CAST: variants seen among roughly 807,000 people sequenced by gnomAD.
CAST encodes the protein calpastatin.
CAST carries 76 observed loss-of-function variants against 119.6 expected under a neutral mutation model. The ratio of observed to expected loss-of-function variants is 0.64; its 90% CI spans 0.53 to 0.77. The LOEUF is 0.77. CAST is among the 30% of genes least tolerant of loss of function. The pLI is 0.00. For missense variants in CAST, 953 were observed against 946.5 expected (o/e 1.01, Z -0.09); for synonymous variants, 319 against 331.6 (o/e 0.96, Z 0.41).
the CAST span, among the ~76,000 whole-genome samples, chr5:96,217,488 T>C: frequency 1.3e-5 from 2 of 152,132 alleles, no homozygotes; most frequent in African/African-American, 4.8e-5. Context: ...CTCCCTTGAT[T>C]TGTGGTAAGG....
the CAST span, among the ~76,000 whole-genome samples, chr5:96,296,232 G>T: frequency 6.6e-6 from 1 of 152,154 alleles, no homozygotes; most frequent in Non-Finnish European, 1.5e-5. Flanking sequence ...GGCCTGGTTA[G>T]ATCCTCTTTT....
upstream of CAST, among the ~76,000 whole-genome samples, chr5:96,524,153 G>C (rs1446853262): frequency 6.6e-6 from 1 of 152,186 alleles, no homozygotes; most frequent in African/African-American, 2.4e-5. Flanking sequence ...GACGTACTGA[G>C]AATGTGATTC....
chr5:96,186,078 C>T, the CAST span, among the ~76,000 whole-genome samples: 2 of 152,010 alleles, frequency 1.3e-5, no homozygotes, highest in African/African-American at 4.8e-5. Context: ...CCCATGTTAG[C>T]TGTATTCATA....
intron 3 of CAST, among the ~76,000 whole-genome samples, chr5:96,717,673 C>T (rs1757426060): frequency 6.6e-6 from 1 of 152,298 alleles, no homozygotes; most frequent in South Asian, 2.1e-4. Context: ...CCAGAATCCA[C>T]TCTAACCCTT....
At chr5:96,544,374 C>T (rs261975) in intron 1 of CAST, among the ~76,000 whole-genome samples, 146,246 of 152,260 alleles carry the variant, frequency 0.96, 70,558 homozygotes, top group East Asian at 1. Flanking sequence ...TAAAGAAAAG[C>T]AATTACATTT....
At chr5:96,325,299 G>C in the CAST span, among the ~76,000 whole-genome samples, 1 of 152,044 alleles carries the variant, frequency 6.6e-6, no homozygotes, top group African/African-American at 2.4e-5. Flanking sequence ...TCCTATGCAT[G>C]CTTATTTGCA....
At chr5:96,416,763 A>G in the CAST span, among the ~76,000 whole-genome samples, 12 of 152,330 alleles carry the variant, frequency 7.9e-5, 2 homozygotes, top group African/African-American at 2.6e-4. Context: ...TGAAATCCCA[A>G]CTGGGGCCAG....
At chr5:96,338,152 T>A in the CAST span, among the ~76,000 whole-genome samples, 2 of 152,226 alleles carry the variant, frequency 1.3e-5, no homozygotes, top group African/African-American at 4.8e-5. Context: ...ATTAAGAAGT[T>A]CTGTCATCAT....
chr5:96,305,485 G>A, the CAST span, among the ~76,000 whole-genome samples: 38 of 151,244 alleles, frequency 2.5e-4, no homozygotes, highest in Non-Finnish European at 5.0e-4. Flanking sequence ...GACTTCCAAC[G>A]CTATGTTGAA....
At chr5:96,605,269 A>G (rs1747232097) in intron 1 of CAST, among the ~76,000 whole-genome samples, 1 of 152,220 alleles carries the variant, frequency 6.6e-6, no homozygotes, top group Admixed American at 6.5e-5. Flanking sequence ...ATACACTTAT[A>G]GCTGCTTTTC....
chr5:96,729,613 C>T lies in CAST; in HGVS notation c.437C>T (p.Pro146Leu), dbSNP rs1760032893. 1 of 1,485,748 alleles carries T rather than the reference C, an allele frequency of 6.7e-7. No individual in the cohort carries two copies. Among genetic ancestry groups the T allele is most frequent in the South Asian group, 1.1e-5 (1 of 88,328 alleles). The allele number at this position is 1,485,748 out of a possible 1,614,324, so 92.0% of individuals were successfully genotyped here. Residue 146 changes from proline to leucine, a missense_variant and splice_region_variant, in exon 8 of 32, where the codon CCA becomes CTA. Coordinates refer to ENST00000675179, the MANE Select transcript of CAST (RefSeq NM_001750.7). ...GGGCACCTGTGTGTGTACTTTCAGC[C>T]AAAAAGCCTACCCAAGCAGGCATCA... ...QEGKPKEHTE[P>L]KSLPKQASDT... is the part of the protein sequence containing the mutation.
the CAST span, among the ~76,000 whole-genome samples, chr5:96,295,545 G>C: frequency 6.6e-6 from 1 of 152,096 alleles, no homozygotes. Flanking sequence ...ACAGAATTGG[G>C]GTGTATCAAA....
At chr5:96,204,623 T>C in the CAST span, among the ~76,000 whole-genome samples, 24 of 152,188 alleles carry the variant, frequency 1.6e-4, no homozygotes, top group South Asian at 3.1e-3. Context: ...GTCCCAGGGT[T>C]GCTAAAGGGA....
At chr5:96,718,512 C>G (rs1757586723) in intron 3 of CAST, among the ~76,000 whole-genome samples, 1 of 151,374 alleles carries the variant, frequency 6.6e-6, no homozygotes, top group Non-Finnish European at 1.5e-5. Context: ...ACCTGTTTAA[C>G]AAACTTACAC....
At chr5:96,563,236 G>C (rs986230778) in intron 1 of CAST, among the ~76,000 whole-genome samples, 79 of 151,950 alleles carry the variant, frequency 5.2e-4, no homozygotes, top group Admixed American at 5.2e-3. Context: ...TATTTCTTTG[G>C]GTCACCATTT....
chr5:96,487,026 G>C, the CAST span, among the ~76,000 whole-genome samples: 5 of 152,238 alleles, frequency 3.3e-5, no homozygotes, highest in African/African-American at 1.2e-4. Flanking sequence ...ACTGGGAGTA[G>C]ACTCCTTCCC....
chr5:96,060,693 A>G, the CAST span, among the ~76,000 whole-genome samples: 1 of 152,048 alleles, frequency 6.6e-6, no homozygotes, highest in Admixed American at 6.6e-5. Flanking sequence ...TGGCTTTGCT[A>G]CTCAGGCCAT....
At chr5:96,256,278 T>A in the CAST span, among the ~76,000 whole-genome samples, 1 of 148,306 alleles carries the variant, frequency 6.7e-6, no homozygotes, top group Non-Finnish European at 1.5e-5. Context: ...ATGTAATATA[T>A]ACTATATAAA....
chr5:96,332,541 A>T, the CAST span, among the ~76,000 whole-genome samples: 1 of 152,172 alleles, frequency 6.6e-6, no homozygotes, highest in Non-Finnish European at 1.5e-5. Context: ...ATCATGTTGC[A>T]TGCAGAATAT....
Sources: allele counts gnomAD v4.1 joint callset (sites outside exome capture counted in the v4.1 genomes callset), GRCh38; gene constraint gnomAD v4.1.1; transcripts MANE v1.5; gene names NCBI Gene and HGNC (gene_info 2026-07-23, HGNC 2026-07-21).